Variants in KRT222 observed in about 807,000 individuals in gnomAD.
KRT222 encodes keratin-like protein KRT222.
Under a neutral mutation model 35.0 loss-of-function variants are expected in KRT222, and 23 were observed. The ratio of observed to expected loss-of-function variants is 0.66; its 90% CI spans 0.47 to 0.93. The LOEUF is 0.93. KRT222 is among the 40% of genes least tolerant of loss of function. KRT222 has a pLI of 0.00. For synonymous variants in KRT222, 108 were observed against 118.8 expected, an observed-to-expected ratio of 0.91 and a Z score of 0.59; for missense variants, 339 against 346.3, an observed-to-expected ratio of 0.98 and a Z score of 0.17.
At position 40,659,355 on chromosome 17, in the gene KRT222, A is replaced by G. The variant is rs190268426; in HGVS notation, c.446+632T>C. 1.7e-3 allele frequency among the ~76,000 whole-genome samples: 253 copies of G among 151,646 alleles called. 2 individuals are homozygous for G. The highest frequency in any genetic ancestry group is 5.6e-3 in the African/African-American group (230 of 41,342). On this transcript the variant is annotated intron_variant, in intron 3 of 5. Transcript: ENST00000394052. ...ATTATTATTATTGTTTTTTTCTTTT[A>G]GTAGAGACAGGGTTTCGCCATGTTG...
intron 2 of KRT222, 38 bp from the exon 3 acceptor site, chr17:40,660,245 C>T (rs540827449): frequency 6.7e-7 from 1 of 1,489,204 alleles, no homozygotes; most frequent in South Asian, 1.2e-5. Context: ...ATCAGTAACA[C>T]AGAATGTGTT....
At chr17:40,657,619 T>C (rs549608154) in intron 4 of KRT222, 55 bp downstream of exon 4, 87 of 1,510,844 alleles carry the variant, frequency 5.8e-5, no homozygotes, top group Admixed American at 1.1e-4. Flanking sequence ...TATAAAGTAA[T>C]CCCTGTAAAT....
intron 1 of KRT222, among the ~76,000 whole-genome samples, chr17:40,662,675 G>C (rs895433902): frequency 6.6e-6 from 1 of 151,990 alleles, no homozygotes; most frequent in African/African-American, 2.4e-5. Context: ...GTAATAAAAT[G>C]AATAAATAAT....
chr17:40,656,331 C>T lies in KRT222; in HGVS notation c.*71G>A, dbSNP rs2037343482. On this transcript the variant is annotated 3_prime_UTR_variant, in exon 6 of 6. Transcript: ENST00000394052. ...ATACGTAATAACTTACATTTTGGGA[C>T]AGAGGGAGTTGGTATGGCCCACCTT... is the stretch of plus-strand genomic sequence containing the variant. 9.9e-7 allele frequency: 1 copy of T among 1,008,118 alleles called. No individual in the cohort carries two copies. Among genetic ancestry groups the T allele is most frequent in the Non-Finnish European group, 1.6e-6 (1 of 640,108 alleles). The allele number at this position is 1,008,118 out of a possible 1,614,324, so 62.4% of individuals were successfully genotyped here.
In KRT222 at chr17:40,664,990, T is replaced by C; in HGVS notation, c.96+14A>G. On this transcript the variant is annotated intron_variant, in intron 1 of 5. Coordinates refer to ENST00000394052, the MANE Select transcript of KRT222 (RefSeq NM_152349.3). Reference sequence around the variant, plus strand: ...CCTTATTCTGGAAGGTGCCTGTCTGTATGAAATCATTACCTGGATCCTTGT... The same window carrying C: ...CCTTATTCTGGAAGGTGCCTGTCTGCATGAAATCATTACCTGGATCCTTGT... The C allele has an allele frequency of 1.2e-6, 2 of 1,613,964 alleles. No individual in the cohort carries two copies. Among genetic ancestry groups the C allele is most frequent in the Non-Finnish European group, 1.7e-6 (2 of 1,179,976 alleles).
At position 40,660,015 on chromosome 17, in the gene KRT222, G is replaced by A. The variant is rs762516593; in HGVS notation, c.418C>T (p.Arg140Cys). 2 of 1,614,074 alleles carry A rather than the reference G, an allele frequency of 1.2e-6. No homozygotes were observed. The highest frequency in any genetic ancestry group is 8.5e-7 in the Non-Finnish European group (1 of 1,179,982). The change falls in exon 3 of 6, where the codon CGC (arginine) becomes TGC (cysteine). Residue 140 changes from arginine (R) to cysteine (C), a missense_variant. By Grantham distance (180) the Arg-to-Cys change is radical (BLOSUM62 -3). Coordinates refer to ENST00000394052, the MANE Select transcript of KRT222 (RefSeq NM_152349.3). ...ATTTCTTCTTTTTCTAGGAGGTGGC[G>A]ATAAGTTGCTATTTCTTGTTCCAGC... The part of the protein sequence containing the change: ...MRLEQEIATY[R>C]HLLEKEEIRY...
chr17:40,656,241 G>T lies in KRT222; in HGVS notation c.*161C>A, dbSNP rs2037342783. 2 of 575,134 alleles carry T rather than the reference G, an allele frequency of 3.5e-6. No homozygotes were observed. The highest frequency in any genetic ancestry group is 6.2e-6 in the Non-Finnish European group (2 of 324,100). The allele number at this position is 575,134 out of a possible 1,614,324, so 35.6% of individuals were successfully genotyped here. On this transcript the variant is annotated 3_prime_UTR_variant, in exon 6 of 6. Coordinates refer to ENST00000394052, the MANE Select transcript of KRT222 (RefSeq NM_152349.3). ...GTCTATCTCCATAATTAGATTCAGA[G>T]AAATGTCCTTTATTGTTTTTTTCTT... is the stretch of plus-strand genomic sequence containing the variant.
chr17:40,661,208 C>G (rs2037381780), intron 2 of KRT222, among the ~76,000 whole-genome samples: 1 of 151,684 alleles, frequency 6.6e-6, no homozygotes, highest in Admixed American at 6.6e-5. Context: ...GCTAGGATTA[C>G]AGGCGTGAGC....
At chr17:40,663,168 T>C (rs1378031699) in intron 1 of KRT222, among the ~76,000 whole-genome samples, 2 of 152,214 alleles carry the variant, frequency 1.3e-5, no homozygotes, top group Non-Finnish European at 2.9e-5. Flanking sequence ...TGGTATCTGC[T>C]GGTCTTGTGG....
intron 2 of KRT222, among the ~76,000 whole-genome samples, chr17:40,661,125 T>C (rs1567853630): frequency 6.7e-6 from 1 of 150,242 alleles, no homozygotes; most frequent in Non-Finnish European, 1.5e-5. Flanking sequence ...TTTGTATTTT[T>C]AGGAGAGATG....
intron 5 of KRT222, chr17:40,657,093 T>C (rs1035531954): frequency 1.3e-5 from 3 of 228,116 alleles, no homozygotes; most frequent in African/African-American, 7.0e-5. Flanking sequence ...GCACCTGTAG[T>C]CCCAGCTACG....
chr17:40,664,095 A>T (rs1167166699), intron 1 of KRT222, among the ~76,000 whole-genome samples: 1 of 152,018 alleles, frequency 6.6e-6, no homozygotes, highest in East Asian at 1.9e-4. Flanking sequence ...TTTTTTTAAA[A>T]TTTTGGGTGA....
At chr17:40,663,323 GT>G (rs1326605486) in intron 1 of KRT222, among the ~76,000 whole-genome samples, 3 of 152,158 alleles carry the variant, frequency 2.0e-5, no homozygotes, top group Non-Finnish European at 4.4e-5. Context: ...GCTTTAACCA[GT>G]AGAATGAGGC....
At position 40,656,625 on chromosome 17, in the gene KRT222, T is replaced by G; in HGVS notation, c.665A>C (p.Glu222Ala). Residue 222 changes from glutamate (E) to alanine (A), a missense_variant, in exon 6 of 6, where the codon GAG becomes GCG. Physicochemically the swap from Glu to Ala is moderately radical, Grantham distance 107. Transcript: ENST00000394052. The part of the protein sequence containing the change: ...STEAHGTIQT[E>A]KVDEVIKEWE... ...TTCTTTAATAACTTCATCCACTTTC[T>G]CTGTCCTGAAATGATAAAATAAACC... 2 of 1,580,816 alleles carry G rather than the reference T, an allele frequency of 1.3e-6. No homozygotes were observed. Among genetic ancestry groups the G allele is most frequent in the Non-Finnish European group, 1.7e-6 (2 of 1,149,952 alleles).
intron 2 of KRT222, 75 bp from the exon 3 acceptor site, chr17:40,660,282 ATC>A: frequency 8.3e-7 from 1 of 1,209,872 alleles, no homozygotes; most frequent in Non-Finnish European, 1.2e-6. Context: ...CAATATCTTC[ATC>A]TTTTTTTTTT....
In KRT222 at chr17:40,656,428, T is replaced by C. The variant is rs1225670503; in HGVS notation, c.862A>G (p.Ile288Val). The C allele has an allele frequency of 6.2e-7, 1 of 1,613,502 alleles. No homozygotes were observed. The highest frequency in any genetic ancestry group is 1.1e-5 in the South Asian group (1 of 91,056). ...IMRRSCSIPS[I>V]KPPSTAN ...TAATTAGCTGTTGATGGAGGTTTGATAGAGGGAATACTGCATGATCTTCTC... is the reference window on the plus strand; with the variant it reads ...TAATTAGCTGTTGATGGAGGTTTGACAGAGGGAATACTGCATGATCTTCTC... Residue 288 changes from isoleucine to valine, a missense_variant, in exon 6 of 6, where the codon ATC becomes GTC. Ile to Val is a conservative substitution (Grantham distance 29). Transcript: ENST00000394052.
In KRT222 at chr17:40,656,433, G is replaced by C; in HGVS notation, c.857C>G (p.Pro286Arg). ...AGCTGTTGATGGAGGTTTGATAGAG[G>C]GAATACTGCATGATCTTCTCATGAT... ...RLIMRRSCSI[P>R]SIKPPSTAN Residue 286 changes from proline (P) to arginine (R), a missense_variant, in exon 6 of 6, where the codon CCC becomes CGC. Coordinates refer to ENST00000394052, the MANE Select transcript of KRT222 (RefSeq NM_152349.3). The C allele has an allele frequency of 6.2e-7, 1 of 1,613,412 alleles. No homozygotes were observed. The highest frequency in any genetic ancestry group is 8.5e-7 in the Non-Finnish European group (1 of 1,179,510).
Position 40,655,224 on chromosome 17 carries a change from C to A in KRT222, c.*1178G>T, listed in dbSNP as rs2037336763. ...GGTGAGTTGTACTCAGCTACTTTTT[C>A]TGCTTAGAAAAGAATTAAGAACTTA... On this transcript the variant is annotated 3_prime_UTR_variant, in exon 6 of 6. Transcript: ENST00000394052. 1 of 151,326 alleles carries A rather than the reference C, an allele frequency of 6.6e-6. No individual in the cohort carries two copies. Among genetic ancestry groups the A allele is most frequent in the Non-Finnish European group, 1.5e-5 (1 of 67,748 alleles). The allele number at this position is 151,326 out of a possible 1,614,324, so 9.4% of individuals were successfully genotyped here.
rs745478502 is a variant in KRT222 at position 40,656,421 on chromosome 17, G to T, written c.869C>A (p.Pro290His). 7 of 1,612,938 alleles carry T rather than the reference G, an allele frequency of 4.3e-6. No homozygotes were observed. Among genetic ancestry groups the T allele is most frequent in the Non-Finnish European group, 5.9e-6 (7 of 1,179,074 alleles). Reference protein sequence around the residue: ...RRSCSIPSIKPPSTAN With the variant: ...RRSCSIPSIKHPSTAN ...TTTGGATTAATTAGCTGTTGATGGAGGTTTGATAGAGGGAATACTGCATGA... is the reference window on the plus strand; with the variant it reads ...TTTGGATTAATTAGCTGTTGATGGATGTTTGATAGAGGGAATACTGCATGA... The change falls in exon 6 of 6, where the codon CCT becomes CAT. Residue 290 changes from proline to histidine, a missense_variant. Coordinates refer to ENST00000394052, the MANE Select transcript of KRT222 (RefSeq NM_152349.3).
Sources: gnomAD v4.1 joint callset for allele counts (sites outside exome capture counted in the v4.1 genomes callset) on GRCh38, gnomAD v4.1.1 for gene constraint, MANE v1.5 for transcripts, NCBI Gene and HGNC (gene_info 2026-07-23, HGNC 2026-07-21) for gene names.